PTPRG: variants seen among roughly 807,000 people sequenced by gnomAD.
PTPRG encodes receptor-type tyrosine-protein phosphatase gamma.
A neutral mutation model predicts 165.3 loss-of-function variants in PTPRG; 102 were observed. The observed-to-expected ratio is 0.62, with a 90% CI of 0.53 to 0.73. PTPRG has a LOEUF of 0.73. Among genes scored for constraint, PTPRG ranks in the 30% least tolerant of loss-of-function variants. The pLI is 0.00. For missense variants in PTPRG, 1,866 were observed against 1,861.4 expected (o/e 1.00, Z -0.05); for synonymous variants, 675 against 669.5 (o/e 1.01, Z -0.13).
intron 1 of PTPRG, among the ~76,000 whole-genome samples, chr3:61,619,975 C>G (rs1359958578): frequency 6.6e-6 from 1 of 152,170 alleles, no homozygotes; most frequent in Non-Finnish European, 1.5e-5. Flanking sequence ...TGTGTTACTC[C>G]TTCACGCTGA....
chr3:61,829,664 A>G (rs1012990829), intron 2 of PTPRG, among the ~76,000 whole-genome samples: 7 of 152,268 alleles, frequency 4.6e-5, no homozygotes, highest in African/African-American at 1.2e-4. Context: ...CAGGAAAAGT[A>G]TATTTCCAAC....
chr3:62,203,463 A>C lies in PTPRG; in HGVS notation c.1668A>C (p.Thr556=), dbSNP rs1445505864. 1 of 1,584,928 alleles carries C rather than the reference A, an allele frequency of 6.3e-7. No individual in the cohort carries two copies. Among genetic ancestry groups the C allele is most frequent in the African/African-American group, 1.3e-5 (1 of 74,174 alleles). ...KQAARPVLAT[T]EALASPGPDG... ...CGGCTAGGCCAGTCCTAGCCACCAC[A>C]GAGGCCTTGGCTTCTCCAGGGCCCG... Residue 556 remains threonine, a synonymous_variant, in exon 12 of 30, where the codon ACA becomes ACC. Coordinates refer to ENST00000474889, the MANE Select transcript of PTPRG (RefSeq NM_002841.4). The surrounding 1 kb of genome is among the most constrained non-coding windows in gnomAD (Gnocchi z 6.4).
At chr3:62,138,731 A>AG (rs1352857147) in intron 6 of PTPRG, among the ~76,000 whole-genome samples, 2 of 151,888 alleles carry the variant, frequency 1.3e-5, no homozygotes, top group East Asian at 1.9e-4. Context: ...AAAAAAAAAA[A>AG]AAAAAGAAAG....
rs201240941 is a variant in PTPRG, at chr3:62,200,629, AT to A, written c.1328-869del. Among the ~76,000 whole-genome samples, 1,000 of 152,210 alleles carry A rather than the reference AT, an allele frequency of 6.6e-3. 10 individuals carry two copies. Among genetic ancestry groups the A allele is most frequent in the African/African-American group, 0.023 (954 of 41,534 alleles). On this transcript the variant is annotated intron_variant, in intron 10 of 29. Coordinates refer to ENST00000474889, the MANE Select transcript of PTPRG (RefSeq NM_002841.4). ...GTATTTTACCGTAATCTTAAAAAAAATTTTTTTCTAAGTTATATTGTTTAAT... is the reference window on the plus strand; with the variant it reads ...GTATTTTACCGTAATCTTAAAAAAAATTTTTTCTAAGTTATATTGTTTAAT...
chr3:61,611,886 A>G (rs922369565), intron 1 of PTPRG, among the ~76,000 whole-genome samples: 1 of 152,248 alleles, frequency 6.6e-6, no homozygotes, highest in Admixed American at 6.5e-5. Context: ...CCTTCTTTAC[A>G]TGAGGACTAT....
intron 2 of PTPRG, chr3:61,750,639 C>T (rs1374686022): frequency 6.6e-6 from 1 of 152,172 alleles, no homozygotes; most frequent in Non-Finnish European, 1.5e-5. Flanking sequence ...CATCAAAAGC[C>T]ATGTCGTCTT....
chr3:61,678,937 T>G (rs1488762033), intron 1 of PTPRG, among the ~76,000 whole-genome samples: 2 of 152,152 alleles, frequency 1.3e-5, no homozygotes, highest in Admixed American at 6.6e-5. Flanking sequence ...TGTGCAATTT[T>G]TTTTTCCTTG....
At chr3:61,826,976 C>A (rs1307171763) in intron 2 of PTPRG, among the ~76,000 whole-genome samples, 1 of 152,042 alleles carries the variant, frequency 6.6e-6, no homozygotes, top group African/African-American at 2.4e-5. Flanking sequence ...CTTATCCCGC[C>A]CTCTTCTAAG....
At chr3:61,650,387 A>G (rs374818636) in intron 1 of PTPRG, among the ~76,000 whole-genome samples, 1 of 152,324 alleles carries the variant, frequency 6.6e-6, no homozygotes, top group African/African-American at 2.4e-5. Context: ...CTCATGTTCG[A>G]AGAACACAGT....
chr3:62,132,675 A>C lies in PTPRG; in HGVS notation c.682+7A>C. 1 of 1,600,442 alleles carries C rather than the reference A, an allele frequency of 6.2e-7. No homozygotes were observed. The highest frequency in any genetic ancestry group is 2.2e-5 in the East Asian group (1 of 44,798). On this transcript the variant is annotated splice_region_variant and intron_variant, in intron 6 of 29. Coordinates refer to ENST00000474889, the MANE Select transcript of PTPRG (RefSeq NM_002841.4). ...AAGGGTGTCGTACATCATGGTAAGTATGCCACATACACTTCCTTTTGCTGG... is the reference window on the plus strand; with the variant it reads ...AAGGGTGTCGTACATCATGGTAAGTCTGCCACATACACTTCCTTTTGCTGG...
chr3:62,186,187 A>G (rs1009685759), intron 8 of PTPRG, among the ~76,000 whole-genome samples: 26 of 152,250 alleles, frequency 1.7e-4, no homozygotes, highest in Admixed American at 1.6e-3. Context: ...TTTTCTTATT[A>G]GCAGAAGGCA....
At chr3:61,853,101 T>G (rs1470872961) in intron 2 of PTPRG, among the ~76,000 whole-genome samples, 2 of 152,222 alleles carry the variant, frequency 1.3e-5, no homozygotes, top group Non-Finnish European at 2.9e-5. Context: ...TTGCGGAGCT[T>G]ACGTTCTACT....
At chr3:61,967,882 C>T (rs1256030547) in intron 2 of PTPRG, among the ~76,000 whole-genome samples, 1 of 152,124 alleles carries the variant, frequency 6.6e-6, no homozygotes, top group Non-Finnish European at 1.5e-5. Flanking sequence ...TGTGTATACA[C>T]AACTGACTTC....
intron 5 of PTPRG, among the ~76,000 whole-genome samples, chr3:62,123,234 CA>C (rs1360906532): frequency 6.6e-6 from 1 of 152,154 alleles, no homozygotes. Context: ...CCCAGTTCCT[CA>C]AGGGCTATTT....
intron 2 of PTPRG, among the ~76,000 whole-genome samples, chr3:61,966,192 C>T (rs9816571): frequency 0.23 from 34,593 of 152,108 alleles, 4,392 homozygotes; most frequent in African/African-American, 0.32. Flanking sequence ...GGAATCATCT[C>T]GCATGCTTAA....
intron 4 of PTPRG, among the ~76,000 whole-genome samples, chr3:62,019,659 A>T (rs1345890793): frequency 1.3e-5 from 2 of 152,150 alleles, no homozygotes; most frequent in African/African-American, 2.4e-5. Context: ...TGCCACACAC[A>T]CACACAAATG....
At chr3:61,828,310 A>G (rs919835247) in intron 2 of PTPRG, among the ~76,000 whole-genome samples, 1 of 152,228 alleles carries the variant, frequency 6.6e-6, no homozygotes, top group Admixed American at 6.5e-5. Flanking sequence ...GAAGATGTTT[A>G]ATATCTGTCC....
chr3:62,088,384 T>C (rs1193684517), intron 5 of PTPRG, among the ~76,000 whole-genome samples: 1 of 152,232 alleles, frequency 6.6e-6, no homozygotes, highest in Admixed American at 6.5e-5. Flanking sequence ...GTTAGGGCTA[T>C]TTGGGTTATT....
At chr3:62,129,778 C>T (rs955638252) in intron 5 of PTPRG, among the ~76,000 whole-genome samples, 1 of 152,142 alleles carries the variant, frequency 6.6e-6, no homozygotes, top group Admixed American at 6.5e-5. Context: ...AAAATATTCC[C>T]TCTCATTCAG....
Sources: gnomAD v4.1 joint callset for allele counts (sites outside exome capture counted in the v4.1 genomes callset) on GRCh38, gnomAD v4.1.1 for gene constraint, Gnocchi (gnomAD v3.1) non-coding constraint, MANE v1.5 for transcripts, NCBI Gene and HGNC (gene_info 2026-07-23, HGNC 2026-07-21) for gene names.